KDM2B: variants seen among roughly 807,000 people sequenced by gnomAD.
The protein encoded by KDM2B is lysine demethylase 2B.
In KDM2B, 26 loss-of-function variants were observed where a neutral mutation model predicts 150.0. The observed-to-expected ratio is 0.17, with a 90% confidence interval of 0.13 to 0.24. The LOEUF (loss-of-function observed/expected upper bound fraction) is 0.24. Among genes scored for constraint, KDM2B ranks in the 10% least tolerant of loss-of-function variants. The pLI is 1.00. For missense variants in KDM2B, 1,265 were observed against 1,816.9 expected, an observed-to-expected ratio of 0.70 and a Z score of 5.52; for synonymous variants, 734 against 729.5, an observed-to-expected ratio of 1.01 and a Z score of -0.10.
At chr12:121,485,169 G>T (rs1329508341) in intron 12 of KDM2B, among the ~76,000 whole-genome samples, 2 of 152,090 alleles carry the variant, frequency 1.3e-5, no homozygotes, top group Non-Finnish European at 2.9e-5. Flanking sequence ...TTTCTGTCAT[G>T]AGCCTTTGTT....
chr12:121,487,868 G>A (rs6489814), intron 12 of KDM2B, among the ~76,000 whole-genome samples: 30,223 of 147,908 alleles, frequency 0.2, 5,228 homozygotes, highest in African/African-American at 0.48. Context: ...TGCAAGCTCC[G>A]CCTCCCAGGT....
At chr12:121,443,073 C>G (rs201197924) in intron 17 of KDM2B, 43 bp from the exon 18 acceptor site, 1 of 1,581,428 alleles carries the variant, frequency 6.3e-7, no homozygotes, top group South Asian at 1.1e-5. Context: ...TCCCCGGGCT[C>G]GTGGGATTTG....
downstream of KDM2B, among the ~76,000 whole-genome samples, chr12:121,428,555 C>A (rs1237948302): frequency 5.9e-5 from 9 of 152,194 alleles, no homozygotes; most frequent in Non-Finnish European, 1.2e-4. Context: ...GAAAAGGCTT[C>A]TTCCACAGGG....
At chr12:121,420,326 G>A in the KDM2B span, 3 of 1,566,892 alleles carry the variant, frequency 1.9e-6, no homozygotes, top group Non-Finnish European at 1.7e-6. Context: ...AGAAAACGCA[G>A]AGGATCGGGT....
At chr12:121,415,821 G>C in the KDM2B span, among the ~76,000 whole-genome samples, 1 of 147,502 alleles carries the variant, frequency 6.8e-6, no homozygotes, top group Admixed American at 6.8e-5. Flanking sequence ...ATATACCACA[G>C]GACAGACTTT....
intron 12 of KDM2B, among the ~76,000 whole-genome samples, chr12:121,475,895 G>A (rs1881308956): frequency 6.6e-6 from 1 of 151,668 alleles, no homozygotes; most frequent in Non-Finnish European, 1.5e-5. Flanking sequence ...CAGGGGCAGT[G>A]GCTCACACCT....
At chr12:121,433,543 A>G (rs747792062) in intron 22 of KDM2B, among the ~76,000 whole-genome samples, 4 of 152,246 alleles carry the variant, frequency 2.6e-5, no homozygotes, top group Non-Finnish European at 4.4e-5. Flanking sequence ...TAACCAAGGA[A>G]GAACTTGTAC....
rs1555285104 is a variant in KDM2B at position 121,430,137 on chromosome 12, GGTTGA to G, written c.*146_*150del. 1.2e-6 allele frequency: 2 copies of G among 1,614,072 alleles called. No homozygotes were observed. The highest frequency in any genetic ancestry group is 3.3e-5 in the Admixed American group (2 of 60,016). On this transcript the variant is annotated 3_prime_UTR_variant, in exon 23 of 23. Coordinates refer to ENST00000377071, the MANE Select transcript of KDM2B (RefSeq NM_032590.5). The surrounding 1 kb of genome is among the most constrained non-coding windows in gnomAD (Gnocchi z 4.4). ...CGGCTCACTCATCCCCCAAACGGGT[GGTTGA>G]ACAGCTTCTCCCTTGGAAAGACTTG...
chr12:121,458,893 C>T (rs1878692077), intron 12 of KDM2B, among the ~76,000 whole-genome samples: 1 of 151,930 alleles, frequency 6.6e-6, no homozygotes, highest in African/African-American at 2.4e-5. Context: ...TGAGACCATC[C>T]TGCTCAACCT....
intron 12 of KDM2B, among the ~76,000 whole-genome samples, chr12:121,471,505 C>A (rs1365031087): frequency 8.5e-5 from 13 of 152,200 alleles, no homozygotes; most frequent in Admixed American, 2.6e-4. Flanking sequence ...CAGACTCAGC[C>A]GTGTCAGGCA....
intron 20 of KDM2B, 22 bp downstream of exon 20, chr12:121,441,048 G>C: frequency 1.2e-6 from 2 of 1,613,744 alleles, no homozygotes; most frequent in Non-Finnish European, 1.7e-6. Context: ...GACACACTCG[G>C]GGCCACTGGC....
At chr12:121,522,151 G>A (rs1218724075) in intron 8 of KDM2B, among the ~76,000 whole-genome samples, 1 of 151,920 alleles carries the variant, frequency 6.6e-6, no homozygotes, top group African/African-American at 2.4e-5. Context: ...CCCACCTTGT[G>A]CCAGGCACAG....
chr12:121,565,233 G>A (rs1890615940), intron 4 of KDM2B, among the ~76,000 whole-genome samples: 1 of 151,840 alleles, frequency 6.6e-6, no homozygotes, highest in South Asian at 2.1e-4. Context: ...CTTCATAATA[G>A]ACACACCAGC....
chr12:121,544,331 C>T (rs1888849547), intron 6 of KDM2B, among the ~76,000 whole-genome samples: 1 of 151,958 alleles, frequency 6.6e-6, no homozygotes, highest in African/African-American at 2.4e-5. Flanking sequence ...AGATTCCTGG[C>T]TGGGCATGGT....
chr12:121,512,737 TTAAG>T (rs1885698835), intron 10 of KDM2B, among the ~76,000 whole-genome samples: 1 of 152,096 alleles, frequency 6.6e-6, no homozygotes, highest in Admixed American at 6.6e-5. Context: ...TGATGTCCCT[TTAAG>T]TACTGGCAGC....
Position 121,533,800 on chromosome 12 carries a change from G to A in KDM2B, c.777+697C>T, listed in dbSNP as rs1887858403. Among the ~76,000 whole-genome samples, 1 of 152,188 alleles carries A rather than the reference G, an allele frequency of 6.6e-6. No individual in the cohort carries two copies. Among genetic ancestry groups the A allele is most frequent in the Admixed American group, 6.5e-5 (1 of 15,284 alleles). ...TGAACTTGACCTTGCCCTCCAGAAG[G>A]AGGAGGTGGTTCTAGGGAAAGAAGC... On this transcript the variant is annotated intron_variant, in intron 7 of 22. Coordinates refer to ENST00000377071, the MANE Select transcript of KDM2B (RefSeq NM_032590.5). This position sits in a 1 kb window ranked among gnomAD's most constrained non-coding sequence, Gnocchi z 4.1.
Position 121,574,658 on chromosome 12 carries a change from GC to G in KDM2B, c.351-66del. The G allele has an allele frequency of 2.7e-6, 4 of 1,478,622 alleles. No individual in the cohort carries two copies. The East Asian group carries it at 6.8e-5, about 25-fold the overall frequency. The allele number at this position is 1,478,622 out of a possible 1,614,324, so 91.6% of individuals were successfully genotyped here. A position where few individuals can be genotyped will look rare whatever the true frequency, so the allele number is the denominator to read the frequency against. ...AAACAACAGAGCTAGACTACCCTGGGCCCGGGGGGAAGCCATTTTTCCAAGA... is the reference window on the plus strand; with the variant it reads ...AAACAACAGAGCTAGACTACCCTGGGCCGGGGGGAAGCCATTTTTCCAAGA... On this transcript the variant is annotated intron_variant, in intron 3 of 22. Coordinates refer to ENST00000377071, the MANE Select transcript of KDM2B (RefSeq NM_032590.5).
chr12:121,443,935 C>T, intron 16 of KDM2B, 77 bp downstream of exon 16: 1 of 1,528,538 alleles, frequency 6.5e-7, no homozygotes, highest in Non-Finnish European at 8.8e-7. Flanking sequence ...TGCCCACCCC[C>T]TGCCCCATCC....
the KDM2B span, among the ~76,000 whole-genome samples, chr12:121,412,682 C>T: frequency 3.3e-5 from 5 of 150,184 alleles, no homozygotes; most frequent in South Asian, 2.1e-4. Context: ...CCTGGCTGAA[C>T]ACTAACTTTA....
Sources: gnomAD v4.1 joint callset for allele counts (sites outside exome capture counted in the v4.1 genomes callset) on GRCh38, gnomAD v4.1.1 for gene constraint, Gnocchi (gnomAD v3.1) non-coding constraint, MANE v1.5 for transcripts, NCBI Gene and HGNC (gene_info 2026-07-23, HGNC 2026-07-21) for gene names.